The following CDHR5 variants were observed in gnomAD, a reference collection of about 807,000 sequenced individuals.
The protein encoded by CDHR5 is cadherin related family member 5, also known as cadherin-related family member 5.
In CDHR5, 82 loss-of-function variants were observed where a neutral mutation model predicts 69.5. That is an observed-to-expected ratio of 1.18 (90% CI 0.99 to 1.42). The LOEUF is 1.42. Ranked by LOEUF, CDHR5 falls within the 40% of genes most tolerant of loss-of-function variation. The pLI is 0.00. For missense variants in CDHR5, 1,293 were observed against 1,168.9 expected (o/e 1.11, Z -1.55); for synonymous variants, 601 against 510.2 (o/e 1.18, Z -2.40).
chr11:621,021 C>T lies in CDHR5; in HGVS notation c.789+59G>A. On this transcript the variant is annotated intron_variant, in intron 7 of 14. Coordinates refer to ENST00000397542, the MANE Select transcript of CDHR5 (RefSeq NM_021924.5). This position sits in a 1 kb window ranked among gnomAD's most constrained non-coding sequence, Gnocchi z 4.4. ...CCTTCCTCTCCTGATCCTGGCCGTC[C>T]CTGTGTCCAGCCTGCCTAGAAGGCC... The T allele has an allele frequency of 7.6e-7, 1 of 1,311,150 alleles. No individual in the cohort carries two copies. Among genetic ancestry groups the T allele is most frequent in the Non-Finnish European group, 1.0e-6 (1 of 967,176 alleles). The allele number at this position is 1,311,150 out of a possible 1,614,324, so 81.2% of individuals were successfully genotyped here.
Position 621,415 on chromosome 11 carries a change from G to T in CDHR5, c.548C>A (p.Pro183His). 6.2e-7 allele frequency: 1 copy of T among 1,612,782 alleles called. No individual in the cohort carries two copies. The highest frequency in any genetic ancestry group is 8.5e-7 in the Non-Finnish European group (1 of 1,179,982). ...DYFSLVSVNR[P>H]ALRLDRPLDF... ...CAGGGGCCGGTCCAGCCTCAGGGCG[G>T]GACGGTTTACACTCACCAGGGAGAA... Residue 183 changes from proline to histidine, a missense_variant, in exon 6 of 15, where the codon CCC becomes CAC. Coordinates refer to ENST00000397542, the MANE Select transcript of CDHR5 (RefSeq NM_021924.5). The surrounding 1 kb of genome is among the most constrained non-coding windows in gnomAD (Gnocchi z 4.4).
chr11:619,080 C>A lies in CDHR5; in HGVS notation c.1479G>T (p.Thr493=). The change falls in exon 13 of 15, where the codon ACG becomes ACT. Residue 493 remains threonine, a synonymous_variant. Coordinates refer to ENST00000397542, the MANE Select transcript of CDHR5 (RefSeq NM_021924.5). ...GGCCTGTGCCTCCCCCAGAGCTGGTCGTGGAGGGTCCCTGGGAGGGCTCAG... is the reference window on the plus strand; with the variant it reads ...GGCCTGTGCCTCCCCCAGAGCTGGTAGTGGAGGGTCCCTGGGAGGGCTCAG... The part of the protein sequence containing the change: ...RPPEPSQGPS[T]TSSGGGTGPH... The A allele has an allele frequency of 6.2e-7, 1 of 1,611,952 alleles. No individual in the cohort carries two copies. Among genetic ancestry groups the A allele is most frequent in the Non-Finnish European group, 8.5e-7 (1 of 1,179,528 alleles).
In CDHR5 at chr11:620,169, G is replaced by A. The variant is rs907051402; in HGVS notation, c.881-5C>T. ...TGAATGTACCATTCACGTTTCCTGG[G>A]AGGATGATGGAAGTGCTCAGCCCCG... On this transcript the variant is annotated splice_polypyrimidine_tract_variant and splice_region_variant and intron_variant, in intron 8 of 14. Transcript: ENST00000397542. 4 of 1,612,558 alleles carry A rather than the reference G, an allele frequency of 2.5e-6. No individual in the cohort carries two copies. The highest frequency in any genetic ancestry group is 8.5e-7 in the Non-Finnish European group (1 of 1,178,918).
intron 3 of CDHR5, among the ~76,000 whole-genome samples, chr11:622,359 A>G (rs1281537689): frequency 2.0e-5 from 3 of 151,402 alleles, no homozygotes; most frequent in African/African-American, 7.3e-5. Flanking sequence ...AAAATAATGC[A>G]GGTACTTGGG....
chr11:623,233 C>G (rs187335708), intron 3 of CDHR5, among the ~76,000 whole-genome samples: 1 of 152,130 alleles, frequency 6.6e-6, no homozygotes, highest in Non-Finnish European at 1.5e-5. Context: ...CGCTTGGACC[C>G]GGGAGGCGGA....
rs779814622 is a variant in CDHR5, at chr11:624,769, C to T, written c.86-37G>A. The T allele has an allele frequency of 3.0e-5, 48 of 1,603,300 alleles. 2 individuals carry two copies. The South Asian group carries it at 5.3e-4, about 18-fold the overall frequency. ...CAGAGGAGGGATCAGTGCCTCCCAG[C>T]CCCTGGCTCCCCGCCGCCCGTGCCC... On this transcript the variant is annotated intron_variant, in intron 1 of 14. Transcript: ENST00000397542. This position sits in a 1 kb window ranked among gnomAD's most constrained non-coding sequence, Gnocchi z 5.3.
chr11:622,151 G>A (rs892409247), intron 3 of CDHR5, among the ~76,000 whole-genome samples: 1 of 152,166 alleles, frequency 6.6e-6, no homozygotes. Context: ...CGCCGTGAGT[G>A]GGGTGCACCC....
chr11:623,615 G>C (rs1438795694), intron 3 of CDHR5, among the ~76,000 whole-genome samples: 1 of 152,070 alleles, frequency 6.6e-6, no homozygotes, highest in Admixed American at 6.5e-5. Flanking sequence ...TGGAGCCTCT[G>C]CACAGTATGT....
chr11:617,274 A>T lies in CDHR5; in HGVS notation c.*77T>A. On this transcript the variant is annotated 3_prime_UTR_variant, in exon 15 of 15. Coordinates refer to ENST00000397542, the MANE Select transcript of CDHR5 (RefSeq NM_021924.5). ...GCCTGGGTTTCGGGAGCCTTGCTTT[A>T]TTCTGCCTCGGGTCGGAGGCTGGGG... 8.2e-7 allele frequency: 1 copy of T among 1,219,834 alleles called. No homozygotes were observed. Among genetic ancestry groups the T allele is most frequent in the Non-Finnish European group, 1.2e-6 (1 of 866,278 alleles). 75.6% of individuals were successfully genotyped at this position (1,219,834 alleles called of 1,614,324 possible).
At position 617,656 on chromosome 11, in the gene CDHR5, C is replaced by T. The variant is rs756764471; in HGVS notation, c.2233G>A (p.Ala745Thr). The part of the protein sequence containing the change: ...DPKPAEAPMP[A>T]EPAPPGPASP... ...GCAGGGCCGGGGGGTGCGGGCTCTG[C>T]GGGCATCGGTGCCTCCGCGGGCTTG... The change falls in exon 15 of 15, where the codon GCA (alanine) becomes ACA (threonine). Residue 745 changes from alanine to threonine, a missense_variant. By Grantham distance (58) the Ala-to-Thr change is moderately conservative. Transcript: ENST00000397542. The T allele has an allele frequency of 9.2e-5, 140 of 1,526,122 alleles. 1 individual carries two copies. The highest frequency in any genetic ancestry group is 1.8e-4 in the Middle Eastern group (1 of 5,480). The allele number at this position is 1,526,122 out of a possible 1,614,324, so 94.5% of individuals were successfully genotyped here. A position where few individuals can be genotyped will look rare whatever the true frequency, so the allele number is the denominator to read the frequency against.
At chr11:618,362 C>T (rs921097986) in intron 13 of CDHR5, among the ~76,000 whole-genome samples, 4 of 152,204 alleles carry the variant, frequency 2.6e-5, no homozygotes, top group South Asian at 2.1e-4. Flanking sequence ...GCAGGGTGAG[C>T]GGCAGCCGTG....
At position 621,231 on chromosome 11, in the gene CDHR5, A is replaced by C; in HGVS notation, c.638T>G (p.Val213Gly). ...GGCGGTGGCAGTGTGGCTGGGTTCCACATTCTCCCCCGGAGTGTCCTGCAA... is the reference window on the plus strand; with the variant it reads ...GGCGGTGGCAGTGTGGCTGGGTTCCCCATTCTCCCCCGGAGTGTCCTGCAA... ...LLVRDTPGEN[V>G]EPSHTATATL... is the part of the protein sequence containing the mutation. The change falls in exon 7 of 15, where the codon GTG becomes GGG. Residue 213 changes from valine to glycine, a missense_variant. Val to Gly is a moderately radical substitution (Grantham distance 109). Transcript: ENST00000397542. The surrounding 1 kb of genome is among the most constrained non-coding windows in gnomAD (Gnocchi z 4.4). 1 of 1,597,228 alleles carries C rather than the reference A, an allele frequency of 6.3e-7. No individual in the cohort carries two copies. Among genetic ancestry groups the C allele is most frequent in the Non-Finnish European group, 8.5e-7 (1 of 1,170,242 alleles).
At position 624,691 on chromosome 11, in the gene CDHR5, T is replaced by C. The variant is rs745500686; in HGVS notation, c.127A>G (p.Thr43Ala). The C allele has an allele frequency of 6.2e-7, 1 of 1,612,702 alleles. No homozygotes were observed. The highest frequency in any genetic ancestry group is 1.3e-5 in the African/African-American group (1 of 75,014). Residue 43 changes from threonine to alanine, a missense_variant, in exon 2 of 15, where the codon ACA becomes GCA. By Grantham distance (58) the Thr-to-Ala change is moderately conservative. Coordinates refer to ENST00000397542, the MANE Select transcript of CDHR5 (RefSeq NM_021924.5). This position sits in a 1 kb window ranked among gnomAD's most constrained non-coding sequence, Gnocchi z 5.3. ...NKDIFEVEEN[T>A]NVTEPLVDIH... ...TCCACCAGCGGCTCGGTGACATTTG[T>C]GTTCTCCTCTACTTCAAAGATGTCC...
At position 620,090 on chromosome 11, in the gene CDHR5, T is replaced by C; in HGVS notation, c.955A>G (p.Met319Val). The C allele has an allele frequency of 6.2e-7, 1 of 1,610,066 alleles. No individual in the cohort carries two copies. The highest frequency in any genetic ancestry group is 8.5e-7 in the Non-Finnish European group (1 of 1,178,128). Residue 319 changes from methionine (M) to valine (V), a missense_variant, in exon 9 of 15, where the codon ATG becomes GTG. Met to Val is a conservative substitution (Grantham distance 21). Coordinates refer to ENST00000397542, the MANE Select transcript of CDHR5 (RefSeq NM_021924.5). ...ACCTTCACCAGCAGAAGGAAGGTCA[T>C]GGGGCTGGGGACACTCCTGGCCACG... ...LTVARSVPSP[M>V]TFLLLVKGQQ...
intron 12 of CDHR5, 56 bp from the exon 13 acceptor site, chr11:619,236 C>G: frequency 6.8e-7 from 1 of 1,469,832 alleles, no homozygotes; most frequent in South Asian, 1.2e-5. Flanking sequence ...GCACACCTAC[C>G]GCGGGAAAGG....
chr11:624,889 G>A lies in CDHR5; in HGVS notation c.14C>T (p.Ala5Val), dbSNP rs1262024577. The stretch of plus-strand genomic sequence containing the variant: ...GAACAGCAGGGGAGGCCACAGCAGG[G>A]CCCAAGACCCCATCTTGGCGGCTGT... MGSW[A>V]LLWPPLLFTG... The change falls in exon 1 of 15, where the codon GCC becomes GTC. Residue 5 changes from alanine (A) to valine (V), a missense_variant. Physicochemically the swap from Ala to Val is moderately conservative, Grantham distance 64 (BLOSUM62 0). Transcript: ENST00000397542. The surrounding 1 kb of genome is among the most constrained non-coding windows in gnomAD (Gnocchi z 5.3). The A allele has an allele frequency of 3.2e-6, 5 of 1,561,422 alleles. No individual in the cohort carries two copies. The highest frequency in any genetic ancestry group is 4.3e-6 in the Non-Finnish European group (5 of 1,155,908).
chr11:617,483 G>C lies in CDHR5; in HGVS notation c.2406C>G (p.Asp802Glu). ...WFGEDIGTEA[D>E]VVVLNAPTLD... ...GGGTGGGCGCGTTGAGAACGACCACGTCTGCCTCCGTCCCGATGTCCTCGC... is the reference window on the plus strand; with the variant it reads ...GGGTGGGCGCGTTGAGAACGACCACCTCTGCCTCCGTCCCGATGTCCTCGC... The change falls in exon 15 of 15, where the codon GAC becomes GAG. Residue 802 changes from aspartate to glutamate, a missense_variant. Transcript: ENST00000397542. 1 of 1,612,708 alleles carries C rather than the reference G, an allele frequency of 6.2e-7. No homozygotes were observed. Among genetic ancestry groups the C allele is most frequent in the Non-Finnish European group, 8.5e-7 (1 of 1,179,854 alleles).
Position 616,679 on chromosome 11 carries a change from C to T in CDHR5, c.*672G>A, listed in dbSNP as rs1344423802. The T allele has an allele frequency of 6.5e-6, 1 of 153,602 alleles. No homozygotes were observed. Among genetic ancestry groups the T allele is most frequent in the African/African-American group, 2.4e-5 (1 of 41,482 alleles). 9.5% of individuals were successfully genotyped at this position (153,602 alleles called of 1,614,324 possible). ...TCTGGGCATGGGCGCCCAGCCTGGG[C>T]TCTGGCTTTGGGAGCAGCGAGGGGA... On this transcript the variant is annotated 3_prime_UTR_variant, in exon 15 of 15. Transcript: ENST00000397542.
rs1610161 is a variant in CDHR5 at position 616,970 on chromosome 11, A to T, written c.*381T>A. 1 allele frequency: 238,030 copies of T among 238,260 alleles called. 118,900 individuals carry two copies. The highest frequency in any genetic ancestry group is 1 in the African/African-American group (43,758 of 43,762). The allele number at this position is 238,260 out of a possible 1,614,324, so 14.8% of individuals were successfully genotyped here. A position where few individuals can be genotyped will look rare whatever the true frequency, so the allele number is the denominator to read the frequency against. ...TAGGGTCGGGAGCGGGAGGTCTGAG[A>T]TGAGCCGGGTGCCTGAGATCTCCGG... On this transcript the variant is annotated 3_prime_UTR_variant, in exon 15 of 15. Coordinates refer to ENST00000397542, the MANE Select transcript of CDHR5 (RefSeq NM_021924.5).
Sources: gnomAD v4.1 joint callset for allele counts (sites outside exome capture counted in the v4.1 genomes callset) on GRCh38, gnomAD v4.1.1 for gene constraint, Gnocchi (gnomAD v3.1) non-coding constraint, MANE v1.5 for transcripts, NCBI Gene and HGNC (gene_info 2026-07-23, HGNC 2026-07-21) for gene names.